Variants in COL3A1 observed in about 807,000 individuals in gnomAD.
COL3A1 encodes collagen alpha-1(III) chain.
A neutral mutation model predicts 200.9 loss-of-function variants in COL3A1; 46 were observed. The observed-to-expected ratio is 0.23, with a 90% CI of 0.18 to 0.29. COL3A1 has a LOEUF of 0.29. Among genes scored for constraint, COL3A1 ranks in the 10% least tolerant of loss-of-function variants. The pLI, the probability that COL3A1 is intolerant of heterozygous loss-of-function variation, is 1.00. For missense variants in COL3A1, 1,367 were observed against 1,917.6 expected (o/e 0.71, Z 5.36); for synonymous variants, 650 against 628.0 (o/e 1.03, Z -0.52).
At chr2:189,008,862 T>C in intron 47 of COL3A1, 62 bp from the exon 48 acceptor site, 2 of 1,503,354 alleles carry the variant, frequency 1.3e-6, no homozygotes, top group East Asian at 2.3e-5. Flanking sequence ...GGACTAGCAA[T>C]GTATTCTTAG....
chr2:189,004,076 T>G lies in COL3A1; in HGVS notation c.2756T>G (p.Val919Gly), dbSNP rs1426365127. ...ACTGGTGCTCCTGGCAGCCCTGGAG[T>G]GTCTGGACCAAAAGGTGATGCTGGC... ...GNTGAPGSPG[V>G]SGPKGDAGQP... Residue 919 changes from valine to glycine, a missense_variant, in exon 39 of 51, where the codon GTG becomes GGG. Transcript: ENST00000304636. 2 of 1,613,192 alleles carry G rather than the reference T, an allele frequency of 1.2e-6. No individual in the cohort carries two copies. The highest frequency in any genetic ancestry group is 2.2e-5 in the South Asian group (2 of 91,008).
chr2:188,992,946 CAT>C lies in COL3A1; in HGVS notation c.1050+7_1050+8del, dbSNP rs759415640. ...CTGGATCCCCTGGTGCTAAGGTAAACATGTGTTTCTATAGAAGGGTATAAAAA... is the reference window on the plus strand; with the variant it reads ...CTGGATCCCCTGGTGCTAAGGTAAACGTGTTTCTATAGAAGGGTATAAAAA... On this transcript the variant is annotated splice_region_variant and intron_variant, in intron 15 of 50. Transcript: ENST00000304636. 3.5e-5 allele frequency: 56 copies of C among 1,613,366 alleles called. No homozygotes were observed. The highest frequency in any genetic ancestry group is 2.4e-4 in the South Asian group (22 of 91,068).
Position 189,011,776 on chromosome 2 carries a change from C to G in COL3A1, c.*2C>G. ...GTTGGCCCTGTTTGCTTTTTATAAA[C>G]CAAACTCTATCTGAAATCCCAACAA... is the stretch of plus-strand genomic sequence containing the variant. On this transcript the variant is annotated 3_prime_UTR_variant, in exon 51 of 51. Coordinates refer to ENST00000304636, the MANE Select transcript of COL3A1 (RefSeq NM_000090.4). The G allele has an allele frequency of 6.2e-7, 1 of 1,613,844 alleles. No homozygotes were observed.
At chr2:188,989,961 A>G (rs1334003658) in intron 8 of COL3A1, 135 bp from the exon 9 acceptor site, 2 of 797,394 alleles carry the variant, frequency 2.5e-6, no homozygotes, top group Admixed American at 2.0e-5. Flanking sequence ...AAGAAAGCTG[A>G]TCTCAACTAT....
At chr2:188,988,467 A>G in intron 6 of COL3A1, 123 bp from the exon 7 acceptor site, 1 of 727,746 alleles carries the variant, frequency 1.4e-6, no homozygotes, top group Non-Finnish European at 2.4e-6. Flanking sequence ...TGGTCTCAAT[A>G]TTTATAAACT....
intron 7 of COL3A1, 67 bp from the exon 8 acceptor site, chr2:188,989,329 C>T: frequency 8.6e-7 from 1 of 1,168,918 alleles, no homozygotes; most frequent in Non-Finnish European, 1.2e-6. Context: ...AATACATACA[C>T]TGTGTAATAA....
chr2:188,975,657 T>C (rs1687793471), intron 1 of COL3A1, among the ~76,000 whole-genome samples: 1 of 152,190 alleles, frequency 6.6e-6, no homozygotes, highest in Non-Finnish European at 1.5e-5. Context: ...GTATTTGTTG[T>C]CCTCATAGCT....
intron 15 of COL3A1, among the ~76,000 whole-genome samples, 179 bp from the exon 16 acceptor site, chr2:188,993,182 C>T (rs116255512): frequency 1.1e-3 from 160 of 152,246 alleles, no homozygotes; most frequent in African/African-American, 3.6e-3. Context: ...ATAATGCAAT[C>T]ACACACACAT....
intron 10 of COL3A1, 112 bp from the exon 11 acceptor site, chr2:188,990,892 T>A: frequency 9.7e-7 from 1 of 1,031,330 alleles, no homozygotes; most frequent in Non-Finnish European, 1.5e-6. Flanking sequence ...TTTAAGCTAA[T>A]TTTGCAAGTA....
chr2:188,996,390 C>G lies in COL3A1; in HGVS notation c.1663-8C>G. On this transcript the variant is annotated splice_region_variant and splice_polypyrimidine_tract_variant and intron_variant, in intron 23 of 50. Coordinates refer to ENST00000304636, the MANE Select transcript of COL3A1 (RefSeq NM_000090.4). Reference sequence around the variant, plus strand: ...CAAACCTTTATTAATGTAATTTTTTCTTATTAGGGAAGTCAAGGAGAAAGT... The same window carrying G: ...CAAACCTTTATTAATGTAATTTTTTGTTATTAGGGAAGTCAAGGAGAAAGT... The G allele has an allele frequency of 6.2e-7, 1 of 1,608,672 alleles. No homozygotes were observed. Among genetic ancestry groups the G allele is most frequent in the South Asian group, 1.1e-5 (1 of 90,892 alleles).
chr2:188,990,904 T>A, intron 10 of COL3A1, 100 bp from the exon 11 acceptor site: 1 of 1,148,048 alleles, frequency 8.7e-7, no homozygotes, highest in Non-Finnish European at 1.3e-6. Context: ...TTGCAAGTAG[T>A]GTTATGAAGA....
In COL3A1 at chr2:189,011,959, C is replaced by T. The variant is rs1688739851; in HGVS notation, c.*185C>T. The T allele has an allele frequency of 3.1e-6, 2 of 644,154 alleles. No individual in the cohort carries two copies. Among genetic ancestry groups the T allele is most frequent in the Non-Finnish European group, 5.3e-6 (2 of 377,088 alleles). 39.9% of individuals were successfully genotyped at this position (644,154 alleles called of 1,614,324 possible). On this transcript the variant is annotated 3_prime_UTR_variant, in exon 51 of 51. Coordinates refer to ENST00000304636, the MANE Select transcript of COL3A1 (RefSeq NM_000090.4). ...TCTTTTTTTGCTGTTCCACCAAATA[C>T]AATTCAAATGCTTTTTGTTTTATTT...
Position 189,010,710 on chromosome 2 carries a change from A to G in COL3A1, c.4074A>G (p.Arg1358=), listed in dbSNP as rs180807043. ...TTGATGTGCATCTGGCATTCCTTCG[A>G]CTTCTCTCCAGCCGAGCTTCCCAGA... ...DVLDVHLAFL[R]LLSSRASQNI... Residue 1358 remains arginine, a synonymous_variant, in exon 50 of 51, where the codon CGA becomes CGG. Coordinates refer to ENST00000304636, the MANE Select transcript of COL3A1 (RefSeq NM_000090.4). The G allele has an allele frequency of 6.2e-7, 1 of 1,614,156 alleles. No individual in the cohort carries two copies. Among genetic ancestry groups the G allele is most frequent in the Non-Finnish European group, 8.5e-7 (1 of 1,180,004 alleles).
chr2:188,998,195 T>A (rs1325246498), intron 27 of COL3A1, 71 bp from the exon 28 acceptor site: 1 of 1,371,954 alleles, frequency 7.3e-7, no homozygotes, highest in Admixed American at 1.8e-5. Context: ...CAGAAACATG[T>A]GTACATATGA....
At position 189,008,016 on chromosome 2, in the gene COL3A1, T is replaced by G. The variant is rs779280663; in HGVS notation, c.3418-19T>G. On this transcript the variant is annotated intron_variant, in intron 46 of 50. Transcript: ENST00000304636. ...TCAGAAAGATATTCTGGCATTGTGA[T>G]GTCATGATACTTTCTTAGGGACCTG... 11 of 1,614,036 alleles carry G rather than the reference T, an allele frequency of 6.8e-6. No individual in the cohort carries two copies. The South Asian group carries it at 1.1e-4, about 16-fold the overall frequency.
chr2:189,001,848 A>G (rs531412390), intron 34 of COL3A1, among the ~76,000 whole-genome samples: 1 of 152,318 alleles, frequency 6.6e-6, no homozygotes, highest in African/African-American at 2.4e-5. Context: ...CACAAGTAGT[A>G]CATGTTTGTA....
rs771682647 is a variant in COL3A1 at position 189,010,716 on chromosome 2, C to T, written c.4080C>T (p.Leu1360=). 6.2e-7 allele frequency: 1 copy of T among 1,614,144 alleles called. No individual in the cohort carries two copies. The highest frequency in any genetic ancestry group is 2.2e-5 in the East Asian group (1 of 44,880). The change falls in exon 50 of 51, where the codon CTC becomes CTT. Residue 1360 remains leucine (L), a synonymous_variant. Transcript: ENST00000304636. ...LDVHLAFLRL[L]SSRASQNITY... is the part of the protein sequence containing the mutation. Reference sequence around the variant, plus strand: ...TGCATCTGGCATTCCTTCGACTTCTCTCCAGCCGAGCTTCCCAGAACATCA... The same window carrying T: ...TGCATCTGGCATTCCTTCGACTTCTTTCCAGCCGAGCTTCCCAGAACATCA...
chr2:188,996,378 A>G lies in COL3A1; in HGVS notation c.1663-20A>G. On this transcript the variant is annotated intron_variant, in intron 23 of 50. Coordinates refer to ENST00000304636, the MANE Select transcript of COL3A1 (RefSeq NM_000090.4). ...TCTTCTCTTTATCAAACCTTTATTA[A>G]TGTAATTTTTTCTTATTAGGGAAGT... 3 of 1,589,716 alleles carry G rather than the reference A, an allele frequency of 1.9e-6. No homozygotes were observed. The highest frequency in any genetic ancestry group is 1.1e-5 in the South Asian group (1 of 90,528).
rs570188229 is a variant in COL3A1, at chr2:188,991,379, A to G, written c.853-108A>G. 359 of 712,792 alleles carry G rather than the reference A, an allele frequency of 5.0e-4. No individual in the cohort carries two copies. The African/African-American group carries it at 5.7e-3, about 11-fold the overall frequency. 44.2% of individuals were successfully genotyped at this position (712,792 alleles called of 1,614,324 possible). ...CAGAAAATTAATATTGTTAAAATGT[A>G]TATCTTTTTCTAGGCTCTATAAACT... On this transcript the variant is annotated intron_variant, in intron 11 of 50. Coordinates refer to ENST00000304636, the MANE Select transcript of COL3A1 (RefSeq NM_000090.4).
Sources: allele counts gnomAD v4.1 joint callset (sites outside exome capture counted in the v4.1 genomes callset), GRCh38; gene constraint gnomAD v4.1.1; transcripts MANE v1.5; gene names NCBI Gene and HGNC (gene_info 2026-07-23, HGNC 2026-07-21).